ENY2: variants seen among roughly 807,000 people sequenced by gnomAD.
The protein encoded by ENY2 is ENY2 transcription and export complex 2 subunit.
In ENY2, 4 loss-of-function variants were observed where a neutral mutation model predicts 15.9. The ratio of observed to expected loss-of-function variants is 0.25; its 90% CI spans 0.12 to 0.57. The LOEUF (loss-of-function observed/expected upper bound fraction) is 0.57. Ranked by LOEUF, ENY2 falls within the 20% of genes least tolerant of loss-of-function variation. The probability of loss-of-function intolerance (pLI) is 0.91; values close to 1 mark genes in which losing one functional copy is unlikely to be tolerated. For synonymous variants in ENY2, 48 were observed against 38.0 expected (o/e 1.26, Z -0.97); for missense variants, 54 against 117.2 (o/e 0.46, Z 2.49).
chr8:109,342,974 C>T (rs535180415), intron 4 of ENY2, among the ~76,000 whole-genome samples: 2 of 152,086 alleles, frequency 1.3e-5, no homozygotes, highest in African/African-American at 4.8e-5. Context: ...TGATCTTTTC[C>T]TTATCAGTGT....
At position 109,344,389 on chromosome 8, in the gene ENY2, T is replaced by C. The variant is rs563916185; in HGVS notation, c.*908T>C. 6.6e-6 allele frequency: 1 copy of C among 152,334 alleles called. No individual in the cohort carries two copies. Among genetic ancestry groups the C allele is most frequent in the South Asian group, 2.1e-4 (1 of 4,830 alleles). The allele number at this position is 152,334 out of a possible 1,614,324, so 9.4% of individuals were successfully genotyped here. ...CCTCACTAACTGGATATACTTTTCC[T>C]GAGCAAATCCCAGGAAACTTGCGTC... On this transcript the variant is annotated 3_prime_UTR_variant, in exon 5 of 5. Coordinates refer to ENST00000521688, the MANE Select transcript of ENY2 (RefSeq NM_020189.6).
intron 4 of ENY2, among the ~76,000 whole-genome samples, chr8:109,341,130 CTGA>C (rs1816103738): frequency 6.6e-6 from 1 of 152,072 alleles, no homozygotes; most frequent in African/African-American, 2.4e-5. Flanking sequence ...TATGTTAAAA[CTGA>C]TGATGTGTAG....
chr8:109,339,855 T>C (rs1483550077), intron 3 of ENY2: 1 of 155,188 alleles, frequency 6.4e-6, no homozygotes, highest in East Asian at 1.9e-4. Context: ...TACATGTCAC[T>C]AAGGGGAGCC....
At chr8:109,334,736 T>C (rs1815919668) in intron 1 of ENY2, 1 of 522,258 alleles carries the variant, frequency 1.9e-6, no homozygotes, top group Non-Finnish European at 3.4e-6. Context: ...GCCCTTGTTT[T>C]ACCAGTGAGA....
rs542506467 is a variant in ENY2, at chr8:109,340,425, A to G, written c.155-64A>G. The G allele has an allele frequency of 2.3e-5, 36 of 1,595,154 alleles. No homozygotes were observed. The African/African-American group carries it at 3.9e-4, about 17-fold the overall frequency. On this transcript the variant is annotated intron_variant, in intron 3 of 4. Coordinates refer to ENST00000521688, the MANE Select transcript of ENY2 (RefSeq NM_020189.6). ...AAAACATGATCTTAACCCTTCCTCTATGAAAATCTTTCTTACAGATAATGA... is the reference window on the plus strand; with the variant it reads ...AAAACATGATCTTAACCCTTCCTCTGTGAAAATCTTTCTTACAGATAATGA...
chr8:109,342,158 C>A (rs1216293196), intron 4 of ENY2, among the ~76,000 whole-genome samples: 1 of 123,530 alleles, frequency 8.1e-6, no homozygotes, highest in Admixed American at 7.9e-5. Context: ...TTTAGTTAAC[C>A]CCCCCCTTTT....
chr8:109,340,493 A>T lies in ENY2; in HGVS notation c.159A>T (p.Val53=). The T allele has an allele frequency of 6.2e-7, 1 of 1,612,874 alleles. No individual in the cohort carries two copies. Among genetic ancestry groups the T allele is most frequent in the Non-Finnish European group, 8.5e-7 (1 of 1,179,096 alleles). Residue 53 remains valine, a synonymous_variant, in exon 4 of 5, where the codon GTA becomes GTT. Coordinates refer to ENST00000521688, the MANE Select transcript of ENY2 (RefSeq NM_020189.6). ...TGTTTTTTGCTTTTGCATAAGAGGT[A>T]ATTAAAGAAAAAGGACTAGAACACG... ...KDQLKAHCKE[V]IKEKGLEHVT...
chr8:109,339,106 A>G (rs947226145), intron 2 of ENY2: 16 of 574,720 alleles, frequency 2.8e-5, no homozygotes, highest in African/African-American at 2.3e-4. Context: ...AATTTCACTC[A>G]TTAAATGAGA....
rs1441937671 is a variant in ENY2 at position 109,345,368 on chromosome 8, A to G, written c.*1887A>G. The G allele has an allele frequency of 1.3e-5, 2 of 152,194 alleles. No homozygotes were observed. The highest frequency in any genetic ancestry group is 6.5e-5 in the Admixed American group (1 of 15,272). The allele number at this position is 152,194 out of a possible 1,614,324, so 9.4% of individuals were successfully genotyped here. Reference sequence around the variant, plus strand: ...GTATGAGAAAAGGTATAAATTGGGTATAGTTGAGAAAAGGATTCAAATTGA... The same window carrying G: ...GTATGAGAAAAGGTATAAATTGGGTGTAGTTGAGAAAAGGATTCAAATTGA... On this transcript the variant is annotated 3_prime_UTR_variant, in exon 5 of 5. Transcript: ENST00000521688.
intron 4 of ENY2, among the ~76,000 whole-genome samples, chr8:109,342,419 CATATGTGTATACTTAAAATATAT>C (rs933770693): frequency 1.3e-5 from 2 of 150,116 alleles, no homozygotes; most frequent in Non-Finnish European, 3.0e-5. Context: ...TATATTTTTA[CATATGTGTATACTTAAAATATAT>C]ATTATGTATG....
At chr8:109,339,935 T>C (rs1400026412) in intron 3 of ENY2, among the ~76,000 whole-genome samples, 2 of 152,216 alleles carry the variant, frequency 1.3e-5, no homozygotes, top group Non-Finnish European at 2.9e-5. Flanking sequence ...TGTAATGGTT[T>C]CTACAAATAA....
chr8:109,343,313 ATGT>A (rs1816162415), intron 4 of ENY2, 89 bp from the exon 5 acceptor site: 7 of 922,164 alleles, frequency 7.6e-6, no homozygotes, highest in Non-Finnish European at 6.5e-6. Flanking sequence ...TGAAATTCTT[ATGT>A]TGTTTACCCT....
At chr8:109,336,078 GA>G (rs766143769) in intron 1 of ENY2, 49 bp from the exon 2 acceptor site, 53 of 1,575,786 alleles carry the variant, frequency 3.4e-5, no homozygotes, top group African/African-American at 5.4e-5. Flanking sequence ...GGATTTAGCA[GA>G]AAATGCTTTG....
At chr8:109,334,818 C>A in intron 1 of ENY2, 1 of 385,262 alleles carries the variant, frequency 2.6e-6, no homozygotes, top group Non-Finnish European at 4.7e-6. Context: ...AAGACGAGAT[C>A]AAGTTCAATA....
Position 109,336,143 on chromosome 8 carries a change from A to G in ENY2, c.22A>G (p.Lys8Glu). 6.2e-7 allele frequency: 1 copy of G among 1,613,650 alleles called. No individual in the cohort carries two copies. Among genetic ancestry groups the G allele is most frequent in the Non-Finnish European group, 8.5e-7 (1 of 1,179,646 alleles). MVVSKMN[K>E]DAQMRAAINQ... The stretch of plus-strand genomic sequence containing the variant: ...TGATGTCCAGGTTAGCAAGATGAAC[A>G]AAGATGCGCAGATGAGAGCAGCGAT... Residue 8 changes from lysine (K) to glutamate (E), a missense_variant, in exon 2 of 5, where the codon AAA becomes GAA. By Grantham distance (56) the Lys-to-Glu change is moderately conservative. Transcript: ENST00000521688.
At chr8:109,341,314 A>C (rs992148518) in intron 4 of ENY2, among the ~76,000 whole-genome samples, 3 of 152,192 alleles carry the variant, frequency 2.0e-5, no homozygotes, top group African/African-American at 7.2e-5. Context: ...AAGTTTGAAA[A>C]TTATTACTAC....
rs906036489 is a variant in ENY2, at chr8:109,345,667, T to C, written c.*2186T>C. On this transcript the variant is annotated 3_prime_UTR_variant, in exon 5 of 5. Coordinates refer to ENST00000521688, the MANE Select transcript of ENY2 (RefSeq NM_020189.6). ...GAAATAGCGGATAGTTCTTATTTCATAGTACTGTATATGGAAATAAACCAA... is the reference window on the plus strand; with the variant it reads ...GAAATAGCGGATAGTTCTTATTTCACAGTACTGTATATGGAAATAAACCAA... The C allele has an allele frequency of 7.2e-5, 11 of 152,196 alleles. No homozygotes were observed. The highest frequency in any genetic ancestry group is 2.7e-4 in the African/African-American group (11 of 41,458). The allele number at this position is 152,196 out of a possible 1,614,324, so 9.4% of individuals were successfully genotyped here.
rs1816195985 is a variant in ENY2, at chr8:109,344,590, A to C, written c.*1109A>C. On this transcript the variant is annotated 3_prime_UTR_variant, in exon 5 of 5. Coordinates refer to ENST00000521688, the MANE Select transcript of ENY2 (RefSeq NM_020189.6). Reference sequence around the variant, plus strand: ...TTCCCCCAATAATTGCCCCTGCTATATTCCTTATTTCTGAATGGTACCTCC... The same window carrying C: ...TTCCCCCAATAATTGCCCCTGCTATCTTCCTTATTTCTGAATGGTACCTCC... The C allele has an allele frequency of 6.6e-6, 1 of 152,206 alleles. No homozygotes were observed. The highest frequency in any genetic ancestry group is 1.5e-5 in the Non-Finnish European group (1 of 68,070). 9.4% of individuals were successfully genotyped at this position (152,206 alleles called of 1,614,324 possible).
At chr8:109,340,337 G>A (rs1242778982) in intron 3 of ENY2, 152 bp from the exon 4 acceptor site, 4 of 1,037,306 alleles carry the variant, frequency 3.9e-6, no homozygotes, top group Non-Finnish European at 5.6e-6. Context: ...AATACTTGAT[G>A]TGTTTGTAAG....
Sources: gnomAD v4.1 joint callset for allele counts (sites outside exome capture counted in the v4.1 genomes callset) on GRCh38, gnomAD v4.1.1 for gene constraint, MANE v1.5 for transcripts, NCBI Gene and HGNC (gene_info 2026-07-23, HGNC 2026-07-21) for gene names.